Variants in KCNQ5 observed in about 807,000 individuals in gnomAD.
KCNQ5 encodes potassium voltage-gated channel subfamily Q member 5, also known as potassium voltage-gated channel subfamily KQT member 5.
A neutral mutation model predicts 98.2 loss-of-function variants in KCNQ5; 30 were observed. The observed-to-expected ratio is 0.31, with a 90% CI of 0.23 to 0.41. The LOEUF (loss-of-function observed/expected upper bound fraction) is 0.41, where lower values mean the gene tolerates loss of function less well. Among genes scored for constraint, KCNQ5 ranks in the 10% least tolerant of loss-of-function variants. KCNQ5 has a pLI of 1.00. For synonymous variants in KCNQ5, 458 were observed against 449.4 expected (o/e 1.02, Z -0.24); for missense variants, 835 against 1,182.5 (o/e 0.71, Z 4.31).
chr6:72,861,198 T>G (rs1562030970), intron 1 of KCNQ5, among the ~76,000 whole-genome samples: 2 of 152,170 alleles, frequency 1.3e-5, no homozygotes, highest in Admixed American at 6.5e-5. Flanking sequence ...AGCATGTGCC[T>G]CATGAATTTT....
chr6:72,849,114 A>C (rs1358139445), intron 1 of KCNQ5, among the ~76,000 whole-genome samples: 1 of 125,058 alleles, frequency 8.0e-6, no homozygotes, highest in African/African-American at 3.2e-5. Flanking sequence ...GTATGTACAC[A>C]TACACACACA....
In KCNQ5 at chr6:73,070,949, T is replaced by C. The variant is rs956084290; in HGVS notation, c.617-6373T>C. On this transcript the variant is annotated intron_variant, in intron 3 of 13. Coordinates refer to ENST00000370398, the MANE Select transcript of KCNQ5 (RefSeq NM_019842.4). ...TTCATTAACTAAATAAGGATGTAAG[T>C]GTGCCAAAATAAAATATAGGAAAAT... Among the ~76,000 whole-genome samples the C allele has an allele frequency of 7.2e-5, 11 of 152,186 alleles. No individual in the cohort carries two copies. In the South Asian group the frequency reaches 2.1e-3, roughly 29 times the overall value.
intron 1 of KCNQ5, among the ~76,000 whole-genome samples, chr6:72,769,097 G>A (rs551816191): frequency 1.3e-5 from 2 of 152,122 alleles, no homozygotes; most frequent in African/African-American, 2.4e-5. Context: ...CTATTTCCAC[G>A]TATGCAATGA....
intron 6 of KCNQ5, among the ~76,000 whole-genome samples, chr6:73,107,510 A>G (rs1775052528): frequency 1.3e-5 from 2 of 152,242 alleles, no homozygotes; most frequent in South Asian, 4.1e-4. Flanking sequence ...GTCAGTAAAA[A>G]TAAAATTAAA....
rs371070627 is a variant in KCNQ5, at chr6:72,983,077, G to A, written c.399-20831G>A. ...ATGGGCTTCCCTTTGTGGGTAACCC[G>A]ACCTTTCTCTCTGGCTGCCCTTAAT... On this transcript the variant is annotated intron_variant, in intron 1 of 13. Transcript: ENST00000370398. Among the ~76,000 whole-genome samples the A allele has an allele frequency of 2.0e-4, 30 of 152,274 alleles. No homozygotes were observed. In the East Asian group the frequency reaches 5.2e-3, roughly 26 times the overall value.
At chr6:72,704,467 C>T (rs889402772) in intron 1 of KCNQ5, among the ~76,000 whole-genome samples, 2 of 151,750 alleles carry the variant, frequency 1.3e-5, no homozygotes, top group African/African-American at 4.8e-5. Flanking sequence ...TGCAGAGGTA[C>T]TCAGTAAGTT....
Position 72,831,870 on chromosome 6 carries a change from A to T in KCNQ5, c.399-172038A>T, listed in dbSNP as rs796854347. ...GGCTTTAGTGAGGTGTGTGGGCCTG[A>T]TTTCAGGGAGTATGTAAAGGCTGGG... On this transcript the variant is annotated intron_variant, in intron 1 of 13. Transcript: ENST00000370398. 1.2e-4 allele frequency among the ~76,000 whole-genome samples: 19 copies of T among 152,122 alleles called. No individual in the cohort carries two copies. The East Asian group carries it at 2.7e-3, about 22-fold the overall frequency.
At chr6:72,811,549 G>A (rs913622767) in intron 1 of KCNQ5, among the ~76,000 whole-genome samples, 2 of 152,034 alleles carry the variant, frequency 1.3e-5, no homozygotes, top group African/African-American at 4.8e-5. Context: ...AGTAGTTTTC[G>A]TAAAAGAGTA....
chr6:72,801,651 G>A (rs1774664515), intron 1 of KCNQ5, among the ~76,000 whole-genome samples: 1 of 141,440 alleles, frequency 7.1e-6, no homozygotes, highest in Non-Finnish European at 1.5e-5. Context: ...TGTTATGTGT[G>A]AATTTGATCC....
chr6:73,116,727 A>G (rs1775513618), intron 7 of KCNQ5, among the ~76,000 whole-genome samples: 1 of 152,192 alleles, frequency 6.6e-6, no homozygotes, highest in Non-Finnish European at 1.5e-5. Context: ...AGCAACAACT[A>G]TAAGAATTGA....
chr6:73,132,038 G>A (rs886820722), intron 9 of KCNQ5, among the ~76,000 whole-genome samples: 1 of 152,170 alleles, frequency 6.6e-6, no homozygotes, highest in Non-Finnish European at 1.5e-5. Context: ...TGCCCTTTTA[G>A]AATATCGTTT....
At chr6:72,733,303 G>A (rs1448416727) in intron 1 of KCNQ5, among the ~76,000 whole-genome samples, 3 of 152,174 alleles carry the variant, frequency 2.0e-5, no homozygotes, top group African/African-American at 4.8e-5. Context: ...TAGTAGCACT[G>A]TAGAAGTAAA....
At chr6:72,952,273 C>A (rs1393273683) in intron 1 of KCNQ5, among the ~76,000 whole-genome samples, 1 of 152,196 alleles carries the variant, frequency 6.6e-6, no homozygotes, top group Non-Finnish European at 1.5e-5. Flanking sequence ...AACACAAACA[C>A]TTGGTAGTTT....
intron 1 of KCNQ5, among the ~76,000 whole-genome samples, chr6:72,857,048 TA>T (rs1777563305): frequency 6.6e-6 from 1 of 152,336 alleles, no homozygotes; most frequent in South Asian, 2.1e-4. Context: ...TGAAGGCTCT[TA>T]ACTCCCACTA....
intron 1 of KCNQ5, among the ~76,000 whole-genome samples, chr6:72,676,876 A>G (rs1767438075): frequency 6.6e-6 from 1 of 152,186 alleles, no homozygotes; most frequent in Non-Finnish European, 1.5e-5. Context: ...ATAACTCCAA[A>G]GCAGTGTTTT....
chr6:72,638,759 G>A (rs796451498), intron 1 of KCNQ5, among the ~76,000 whole-genome samples: 1 of 152,054 alleles, frequency 6.6e-6, no homozygotes, highest in African/African-American at 2.4e-5. Flanking sequence ...TTATGTTTTT[G>A]TACTTGTTTC....
intron 1 of KCNQ5, among the ~76,000 whole-genome samples, chr6:72,696,312 G>T (rs1230869499): frequency 2.0e-5 from 3 of 152,160 alleles, no homozygotes; most frequent in Admixed American, 1.3e-4. Flanking sequence ...CAGAAAAATT[G>T]TCAAACTATT....
intron 1 of KCNQ5, among the ~76,000 whole-genome samples, chr6:72,926,686 A>G (rs1040558380): frequency 1.3e-5 from 2 of 152,148 alleles, no homozygotes; most frequent in African/African-American, 2.4e-5. Flanking sequence ...GTTTGCTGAA[A>G]ATCTGTTCAA....
At position 73,194,833 on chromosome 6, in the gene KCNQ5, C is replaced by T. The variant is rs1244760987; in HGVS notation, c.2218C>T (p.Pro740Ser). ...CATTGCAAACCAAATAAATACGGCA[C>T]CCAAGCCAGCAGCCCCAACAACTTT... ...NTIANQINTA[P>S]KPAAPTTLQI... The change falls in exon 14 of 14, where the codon CCC (proline) becomes TCC (serine). Residue 740 changes from proline to serine, a missense_variant. Coordinates refer to ENST00000370398, the MANE Select transcript of KCNQ5 (RefSeq NM_019842.4). The T allele has an allele frequency of 6.2e-7, 1 of 1,614,176 alleles. No homozygotes were observed. The highest frequency in any genetic ancestry group is 8.5e-7 in the Non-Finnish European group (1 of 1,180,038).
Sources: gnomAD v4.1 joint callset for allele counts (sites outside exome capture counted in the v4.1 genomes callset) on GRCh38, gnomAD v4.1.1 for gene constraint, MANE v1.5 for transcripts, NCBI Gene and HGNC (gene_info 2026-07-23, HGNC 2026-07-21) for gene names.